The following C2CD2 variants were observed in gnomAD, a reference collection of about 807,000 sequenced individuals.
The protein encoded by C2CD2 is C2 domain-containing protein 2.
C2CD2 carries 43 observed loss-of-function variants against 74.3 expected under a neutral mutation model. The observed-to-expected ratio is 0.58, with a 90% CI of 0.45 to 0.75. C2CD2 has a LOEUF of 0.75. Ranked by LOEUF, C2CD2 falls within the 30% of genes least tolerant of loss-of-function variation. C2CD2 has a pLI of 0.00. For missense variants in C2CD2, 801 were observed against 916.3 expected (o/e 0.87, Z 1.63); for synonymous variants, 422 against 390.7 (o/e 1.08, Z -0.94).
chr21:41,908,712 TGCTGGATAG>T (rs939973665), intron 8 of C2CD2: 2 of 152,220 alleles, frequency 1.3e-5, no homozygotes, highest in African/African-American at 4.8e-5. Context: ...TTGATTTTAT[TGCTGGATAG>T]GCTGGGCAAG....
intron 13 of C2CD2, 66 bp from the exon 14 acceptor site, chr21:41,889,410 A>G: frequency 2.7e-6 from 3 of 1,125,050 alleles, no homozygotes; most frequent in Non-Finnish European, 4.0e-6. Context: ...GACTGGTCCA[A>G]TCGGACAAAG....
intron 11 of C2CD2, among the ~76,000 whole-genome samples, chr21:41,902,016 G>A (rs111497189): frequency 2.5e-4 from 38 of 152,230 alleles, no homozygotes; most frequent in African/African-American, 8.4e-4. Flanking sequence ...AACAAGTGAC[G>A]GGCCAGATTT....
At chr21:41,938,632 G>A (rs1167671501) in intron 2 of C2CD2, among the ~76,000 whole-genome samples, 1 of 152,064 alleles carries the variant, frequency 6.6e-6, no homozygotes, top group Admixed American at 6.6e-5. Flanking sequence ...GGACCACTAA[G>A]AAGTGGACTC....
At chr21:41,889,610 C>T (rs1002441749) in intron 13 of C2CD2, among the ~76,000 whole-genome samples, 3 of 150,298 alleles carry the variant, frequency 2.0e-5, no homozygotes, top group African/African-American at 4.9e-5. Context: ...TTTCTAAGGC[C>T]GATATTTATA....
intron 10 of C2CD2, 127 bp downstream of exon 10, chr21:41,906,865 T>C: frequency 1.5e-6 from 1 of 679,116 alleles, no homozygotes; most frequent in Non-Finnish European, 2.6e-6. Flanking sequence ...ATTAGCACCC[T>C]TCCTGTGCTG....
At position 41,939,267 on chromosome 21, in the gene C2CD2, G is replaced by A. The variant is rs567309944; in HGVS notation, c.378+2880C>T. On this transcript the variant is annotated intron_variant, in intron 2 of 13. Transcript: ENST00000380486. The surrounding 1 kb of genome is among the most constrained non-coding windows in gnomAD (Gnocchi z 5.5). ...ATTTCTGAAATTGTATTTATTAAAA[G>A]GATTACAATTGAATTACCTACCGTG... is the stretch of plus-strand genomic sequence containing the variant. Among the ~76,000 whole-genome samples the A allele has an allele frequency of 2.6e-5, 4 of 152,292 alleles. No homozygotes were observed. In the South Asian group the frequency reaches 6.2e-4, roughly 24 times the overall value.
chr21:41,939,548 C>T lies in C2CD2; in HGVS notation c.378+2599G>A, dbSNP rs929758075. 3.3e-5 allele frequency among the ~76,000 whole-genome samples: 5 copies of T among 152,170 alleles called. No individual in the cohort carries two copies. The highest frequency in any genetic ancestry group is 5.9e-5 in the Non-Finnish European group (4 of 68,024). ...AGCGGGCTCCAGGAGGGCAGGCCCA[C>T]GGCTCTCTGCACCTCAGCTCCCAAG... On this transcript the variant is annotated intron_variant, in intron 2 of 13. Coordinates refer to ENST00000380486, the MANE Select transcript of C2CD2 (RefSeq NM_015500.2). The surrounding 1 kb of genome is among the most constrained non-coding windows in gnomAD (Gnocchi z 5.5).
intron 12 of C2CD2, among the ~76,000 whole-genome samples, chr21:41,900,014 C>T (rs1034402566): frequency 6.6e-6 from 1 of 151,904 alleles, no homozygotes; most frequent in African/African-American, 2.4e-5. Context: ...GTGACACAGG[C>T]GTTTGCTTAG....
chr21:41,922,981 T>C (rs963732166), intron 2 of C2CD2, among the ~76,000 whole-genome samples: 6 of 145,866 alleles, frequency 4.1e-5, no homozygotes, highest in Non-Finnish European at 7.4e-5. Flanking sequence ...GCTTTCCACA[T>C]GTAATACAGT....
chr21:41,939,791 A>G lies in C2CD2; in HGVS notation c.378+2356T>C, dbSNP rs2065339476. On this transcript the variant is annotated intron_variant, in intron 2 of 13. Transcript: ENST00000380486. The surrounding 1 kb of genome is among the most constrained non-coding windows in gnomAD (Gnocchi z 5.5). ...GAGCTCTCCTATGCTGCTGGGGCAG[A>G]GAAAACCGGGAACAGCACTTTGGTG... Among the ~76,000 whole-genome samples, 2 of 152,232 alleles carry G rather than the reference A, an allele frequency of 1.3e-5. No individual in the cohort carries two copies. Among genetic ancestry groups the G allele is most frequent in the African/African-American group, 4.8e-5 (2 of 41,470 alleles).
At chr21:41,943,411 T>G (rs1235241937) in intron 1 of C2CD2, among the ~76,000 whole-genome samples, 1 of 152,140 alleles carries the variant, frequency 6.6e-6, no homozygotes, top group Non-Finnish European at 1.5e-5. Context: ...CCAAGTCTTG[T>G]CCAAGTCTTG....
In C2CD2 at chr21:41,887,423, GT is replaced by G. The variant is rs1569048758; in HGVS notation, c.*1700del. On this transcript the variant is annotated 3_prime_UTR_variant, in exon 14 of 14. Transcript: ENST00000380486. ...ATTTTAAAGTGAAATTCCTAATGTC[GT>G]TTTCTAATCTCTCTCTCTAAAAAAG... The G allele has an allele frequency of 6.6e-6, 1 of 150,918 alleles. No homozygotes were observed. The highest frequency in any genetic ancestry group is 2.4e-5 in the African/African-American group (1 of 40,972). The allele number at this position is 150,918 out of a possible 1,614,324, so 9.3% of individuals were successfully genotyped here.
intron 1 of C2CD2, among the ~76,000 whole-genome samples, chr21:41,947,368 G>C (rs2065410042): frequency 6.6e-6 from 1 of 151,918 alleles, no homozygotes; most frequent in African/African-American, 2.4e-5. Flanking sequence ...TGTTGGTCAG[G>C]CTGGTCTTGA....
At chr21:41,910,813 C>T (rs1273801183) in intron 7 of C2CD2, among the ~76,000 whole-genome samples, 1 of 152,078 alleles carries the variant, frequency 6.6e-6, no homozygotes, top group African/African-American at 2.4e-5. Flanking sequence ...ATGATTATGT[C>T]TATTAGTTTT....
At chr21:41,906,783 CAT>C (rs1419894104) in intron 10 of C2CD2, among the ~76,000 whole-genome samples, 1 of 152,178 alleles carries the variant, frequency 6.6e-6, no homozygotes, top group African/African-American at 2.4e-5. Flanking sequence ...CAGTTTATTG[CAT>C]ATGTGTTTGG....
At chr21:41,900,653 T>C (rs1198062032) in intron 12 of C2CD2, among the ~76,000 whole-genome samples, 1 of 152,224 alleles carries the variant, frequency 6.6e-6, no homozygotes, top group Non-Finnish European at 1.5e-5. Flanking sequence ...GGTCCTGTTC[T>C]GGCCTGTCTC....
chr21:41,938,752 T>G (rs529608239), intron 2 of C2CD2, among the ~76,000 whole-genome samples: 2 of 151,870 alleles, frequency 1.3e-5, no homozygotes, highest in Non-Finnish European at 2.9e-5. Flanking sequence ...CTTTTTTTTT[T>G]TTTTTTTGAG....
chr21:41,943,057 T>C, intron 1 of C2CD2: 1 of 447,502 alleles, frequency 2.2e-6, no homozygotes, highest in Non-Finnish European at 3.0e-6. Flanking sequence ...TCCCAGTACT[T>C]TGGGAGGCCA....
intron 13 of C2CD2, among the ~76,000 whole-genome samples, chr21:41,897,298 T>A (rs1031173970): frequency 5.1e-4 from 78 of 152,196 alleles, no homozygotes; most frequent in African/African-American, 1.5e-3. Context: ...GACGGGGGGT[T>A]GGGTTCTGCC....
Sources: gnomAD v4.1 joint callset for allele counts (sites outside exome capture counted in the v4.1 genomes callset) on GRCh38, gnomAD v4.1.1 for gene constraint, Gnocchi (gnomAD v3.1) non-coding constraint, MANE v1.5 for transcripts, NCBI Gene and HGNC (gene_info 2026-07-23, HGNC 2026-07-21) for gene names.